LRRC69: variants seen among roughly 807,000 people sequenced by gnomAD.
LRRC69 encodes leucine rich repeat containing 69, also known as leucine-rich repeat-containing protein 69.
LRRC69 carries 42 observed loss-of-function variants against 37.8 expected under a neutral mutation model. The ratio of observed to expected loss-of-function variants is 1.11; its 90% CI spans 0.87 to 1.44. The LOEUF (loss-of-function observed/expected upper bound fraction) is 1.44. LRRC69 is among the 40% of genes most tolerant of loss of function. LRRC69 has a pLI of 0.00. For missense variants in LRRC69, 357 were observed against 401.9 expected (o/e 0.89, Z 0.96); for synonymous variants, 141 against 143.1 (o/e 0.99, Z 0.11).
At chr8:91,174,785 C>T (rs4419777) in intron 5 of LRRC69, among the ~76,000 whole-genome samples, 65,197 of 152,006 alleles carry the variant, frequency 0.43, 16,036 homozygotes, top group South Asian at 0.62. Context: ...TCCAGCTTTT[C>T]TTTGTAACTA....
chr8:91,119,090 G>A (rs1813570114), intron 1 of LRRC69, among the ~76,000 whole-genome samples: 2 of 151,890 alleles, frequency 1.3e-5, no homozygotes, highest in African/African-American at 4.8e-5. Context: ...TTGTAGAGAG[G>A]GATCTTGTGT....
chr8:91,143,979 A>G (rs1808574223), intron 5 of LRRC69, among the ~76,000 whole-genome samples: 1 of 152,036 alleles, frequency 6.6e-6, no homozygotes, highest in African/African-American at 2.4e-5. Flanking sequence ...GGGGATATTA[A>G]TAACACTTGT....
intron 5 of LRRC69, among the ~76,000 whole-genome samples, chr8:91,168,825 T>G (rs1402685669): frequency 6.6e-6 from 1 of 151,926 alleles, no homozygotes; most frequent in Non-Finnish European, 1.5e-5. Context: ...ACAGTAGAAT[T>G]TAAGAAACAT....
intron 1 of LRRC69, among the ~76,000 whole-genome samples, chr8:91,107,340 G>A (rs916721311): frequency 4.6e-5 from 7 of 151,418 alleles, no homozygotes; most frequent in Non-Finnish European, 5.9e-5. Flanking sequence ...GTTTCGCCAT[G>A]TTAGCCAGGC....
chr8:91,216,480 C>T (rs926914569), intron 7 of LRRC69, among the ~76,000 whole-genome samples: 1 of 152,148 alleles, frequency 6.6e-6, no homozygotes, highest in Admixed American at 6.6e-5. Context: ...ACTTCCTCCT[C>T]TTGGTTCTTG....
rs34811059 is a variant in LRRC69 at position 91,133,575 on chromosome 8, A to G, written c.579+270A>G. 0.053 allele frequency among the ~76,000 whole-genome samples: 8,066 copies of G among 152,180 alleles called. 313 individuals carry two copies. The highest frequency in any genetic ancestry group is 0.17 in the Middle Eastern group (49 of 294). The stretch of plus-strand genomic sequence containing the variant: ...ATAAGCAATGATTAAATTTTTTACT[A>G]TAAGTATGTTGCAAATATTGCATGG... On this transcript the variant is annotated intron_variant, in intron 4 of 7. Coordinates refer to ENST00000448384, the Ensembl canonical transcript of LRRC69.
intron 3 of LRRC69, 57 bp from the exon 4 acceptor site, chr8:91,133,053 G>A (rs574783418): frequency 1.8e-6 from 2 of 1,108,590 alleles, no homozygotes; most frequent in East Asian, 5.4e-5. Context: ...GGCCTATATA[G>A]TGGACTCTTA....
At chr8:91,114,923 T>C (rs758303255) in intron 1 of LRRC69, among the ~76,000 whole-genome samples, 6 of 152,000 alleles carry the variant, frequency 3.9e-5, no homozygotes, top group Non-Finnish European at 8.8e-5. Context: ...GCAGACATTA[T>C]ACTAAGTGAA....
At chr8:91,202,805 C>A (rs1458932557) in intron 7 of LRRC69, among the ~76,000 whole-genome samples, 1 of 152,158 alleles carries the variant, frequency 6.6e-6, no homozygotes, top group Non-Finnish European at 1.5e-5. Flanking sequence ...TCCTAATTTA[C>A]ATTTTAACAA....
intron 5 of LRRC69, among the ~76,000 whole-genome samples, chr8:91,162,347 G>C (rs1226056046): frequency 6.6e-6 from 1 of 151,358 alleles, no homozygotes; most frequent in Non-Finnish European, 1.5e-5. Flanking sequence ...GCTGAGAGTG[G>C]AGCGTTGAGT....
intron 5 of LRRC69, among the ~76,000 whole-genome samples, chr8:91,150,893 C>G (rs148263262): frequency 0.052 from 7,975 of 152,008 alleles, 298 homozygotes; most frequent in Middle Eastern, 0.16. Flanking sequence ...ATAGTATTCT[C>G]TGATGGTAGT....
chr8:91,158,760 T>C, intron 5 of LRRC69: 5 of 836,982 alleles, frequency 6.0e-6, no homozygotes, highest in Non-Finnish European at 8.4e-6. Flanking sequence ...CTGAATGAAA[T>C]ACATTGGTGA....
At chr8:91,124,859 T>C in intron 2 of LRRC69, 1 of 355,046 alleles carries the variant, frequency 2.8e-6, no homozygotes, top group Non-Finnish European at 5.0e-6. Context: ...TTTTCCTCTT[T>C]GTAGAATCAG....
intron 5 of LRRC69, among the ~76,000 whole-genome samples, chr8:91,187,017 A>G (rs1197223885): frequency 6.6e-6 from 1 of 152,212 alleles, no homozygotes; most frequent in Non-Finnish European, 1.5e-5. Flanking sequence ...ACAGCCAAAT[A>G]TTTGAGACCA....
chr8:91,195,620 A>G (rs1272076291), intron 6 of LRRC69, among the ~76,000 whole-genome samples: 1 of 151,548 alleles, frequency 6.6e-6, no homozygotes, highest in Non-Finnish European at 1.5e-5. Flanking sequence ...GTCTCTTTTG[A>G]TCTTTATTGG....
At chr8:91,109,048 C>G (rs1813367454) in intron 1 of LRRC69, among the ~76,000 whole-genome samples, 1 of 152,028 alleles carries the variant, frequency 6.6e-6, no homozygotes, top group Non-Finnish European at 1.5e-5. Context: ...CTTTCTCCAT[C>G]AATTAGGTAA....
chr8:91,212,816 G>A (rs937686818), intron 7 of LRRC69, among the ~76,000 whole-genome samples: 14 of 152,206 alleles, frequency 9.2e-5, no homozygotes, highest in African/African-American at 3.4e-4. Flanking sequence ...AAAGTCATAA[G>A]TATTTATTTA....
intron 5 of LRRC69, among the ~76,000 whole-genome samples, chr8:91,183,614 T>TAA (rs559492690): frequency 2.8e-5 from 4 of 144,852 alleles, no homozygotes; most frequent in African/African-American, 7.6e-5. Context: ...TGAATATGGG[T>TAA]AAAAAAAAAA....
At chr8:91,203,386 C>T (rs1282457566) in intron 7 of LRRC69, among the ~76,000 whole-genome samples, 2 of 151,384 alleles carry the variant, frequency 1.3e-5, no homozygotes, top group Admixed American at 6.6e-5. Context: ...ATGCTTATAC[C>T]TATCTTTTTT....
Sources: allele counts gnomAD v4.1 joint callset (sites outside exome capture counted in the v4.1 genomes callset), GRCh38; gene constraint gnomAD v4.1.1; transcripts MANE v1.5; gene names NCBI Gene and HGNC (gene_info 2026-07-23, HGNC 2026-07-21).